MAEA: variants seen among roughly 807,000 people sequenced by gnomAD.
MAEA encodes macrophage erythroblast attacher, E3 ubiquitin ligase.
A neutral mutation model predicts 46.2 loss-of-function variants in MAEA; 22 were observed. The observed-to-expected ratio is 0.48, with a 90% CI of 0.34 to 0.68. The LOEUF (loss-of-function observed/expected upper bound fraction) is 0.68, where lower values mean the gene tolerates loss of function less well. Ranked by LOEUF, MAEA falls within the 30% of genes least tolerant of loss-of-function variation. The pLI, the probability that MAEA is intolerant of heterozygous loss-of-function variation, is 0.01. For missense variants in MAEA, 393 were observed against 558.1 expected (o/e 0.70, Z 2.98); for synonymous variants, 246 against 222.6 (o/e 1.11, Z -0.94).
chr4:1,292,746 C>T (rs569584989), intron 1 of MAEA, among the ~76,000 whole-genome samples: 21 of 152,278 alleles, frequency 1.4e-4, no homozygotes, highest in East Asian at 7.7e-4. Context: ...TCTTACCAAA[C>T]GGAGGTGTGG....
intron 2 of MAEA, chr4:1,312,401 A>G (rs1736622922): frequency 1.9e-6 from 1 of 516,828 alleles, no homozygotes; most frequent in Non-Finnish European, 3.4e-6. Flanking sequence ...CAGGGAGACC[A>G]GGATGTATAG....
intron 1 of MAEA, among the ~76,000 whole-genome samples, chr4:1,310,215 G>A (rs766153054): frequency 6.6e-6 from 1 of 152,186 alleles, no homozygotes; most frequent in Non-Finnish European, 1.5e-5. Flanking sequence ...GGCCGGTGTC[G>A]GGCTGTGGTG....
At chr4:1,332,338 C>A (rs755886593) in intron 5 of MAEA, 19 of 159,570 alleles carry the variant, frequency 1.2e-4, no homozygotes, top group Non-Finnish European at 5.5e-5. Context: ...CCATCCCAGC[C>A]CCACCCAGCA....
chr4:1,335,226 T>C (rs79196469), intron 6 of MAEA: 1 of 985,398 alleles, frequency 1.0e-6, no homozygotes, highest in African/African-American at 1.7e-5. Flanking sequence ...TCATACATGA[T>C]TTCTCTGAAG....
At chr4:1,316,395 G>A (rs1737175059) in intron 3 of MAEA, among the ~76,000 whole-genome samples, 1 of 152,166 alleles carries the variant, frequency 6.6e-6, no homozygotes, top group Admixed American at 6.5e-5. Context: ...CCCCTGTCCA[G>A]ATCCTGCTGT....
In MAEA at chr4:1,289,917, G is replaced by C. The variant is rs1303851569; in HGVS notation, c.4G>C (p.Ala2Pro). The C allele has an allele frequency of 6.3e-7, 1 of 1,598,968 alleles. No homozygotes were observed. The highest frequency in any genetic ancestry group is 2.3e-5 in the East Asian group (1 of 43,982). The change falls in exon 1 of 9, where the codon GCG (alanine) becomes CCG (proline). Residue 2 changes from alanine (A) to proline (P), a missense_variant. Ala to Pro is a conservative substitution (Grantham distance 27). Around this residue, in one of 2 missense-constraint regions of MAEA, gnomAD observed 35 missense variants for 20.1 expected, o/e 1.74. Coordinates refer to ENST00000303400, the MANE Select transcript of MAEA (RefSeq NM_001017405.3). ...CTAATGTTTTGGCCGCTTCAAGATGGCGGTGCAGGAGTCGGCGGCTCAGTT... is the reference window on the plus strand; with the variant it reads ...CTAATGTTTTGGCCGCTTCAAGATGCCGGTGCAGGAGTCGGCGGCTCAGTT... M[A>P]VQESAAQLSM... is the part of the protein sequence containing the mutation.
chr4:1,292,820 A>G (rs1734229460), intron 1 of MAEA, among the ~76,000 whole-genome samples: 1 of 151,064 alleles, frequency 6.6e-6, no homozygotes, highest in South Asian at 2.1e-4. Context: ...AATGCTGTGA[A>G]CGCCGTCCGG....
At chr4:1,320,177 G>A (rs770390711) in intron 3 of MAEA, among the ~76,000 whole-genome samples, 15 of 97,074 alleles carry the variant, frequency 1.5e-4, no homozygotes, top group Non-Finnish European at 2.1e-4. Context: ...ACACTATGAA[G>A]GGGCTTCAGA....
chr4:1,318,946 TGCTGCCCAGGGAAGGCCACACAGGAAC>T (rs1737660495), intron 3 of MAEA, among the ~76,000 whole-genome samples: 1 of 114,578 alleles, frequency 8.7e-6, no homozygotes, highest in African/African-American at 3.8e-5. Context: ...GACAGGAAGC[TGCTGCCCAGGGAAGGCCACACAGGAAC>T]AGGACAGGAA....
intron 1 of MAEA, among the ~76,000 whole-genome samples, chr4:1,297,031 G>A (rs185543509): frequency 1.5e-4 from 23 of 152,256 alleles, no homozygotes; most frequent in Admixed American, 3.9e-4. Flanking sequence ...AGGCCATCCC[G>A]TGTAGTCACC....
intron 2 of MAEA, chr4:1,312,423 A>ATTTTTTTTTT (rs34329974): frequency 1.0e-4 from 18 of 172,010 alleles, no homozygotes; most frequent in African/African-American, 7.9e-4. Flanking sequence ...AGGTTGATTG[A>ATTTTTTTTTT]TTTTTTTTTT....
At chr4:1,300,209 C>T (rs1316419) in intron 1 of MAEA, among the ~76,000 whole-genome samples, 53,650 of 152,078 alleles carry the variant, frequency 0.35, 11,353 homozygotes, top group Non-Finnish European at 0.48. Context: ...CTGACTGCCA[C>T]GGAGCTGTTT....
At position 1,289,918 on chromosome 4, in the gene MAEA, C is replaced by T. The variant is rs760244736; in HGVS notation, c.5C>T (p.Ala2Val). The T allele has an allele frequency of 5.6e-6, 9 of 1,598,532 alleles. No homozygotes were observed. The highest frequency in any genetic ancestry group is 2.3e-5 in the East Asian group (1 of 43,954). The change falls in exon 1 of 9, where the codon GCG becomes GTG. Residue 2 changes from alanine (A) to valine (V), a missense_variant. Physicochemically the swap from Ala to Val is moderately conservative, Grantham distance 64 (BLOSUM62 0). Around this residue, in one of 2 missense-constraint regions of MAEA, gnomAD observed 35 missense variants for 20.1 expected, o/e 1.74. Transcript: ENST00000303400. M[A>V]VQESAAQLSM... ...TAATGTTTTGGCCGCTTCAAGATGG[C>T]GGTGCAGGAGTCGGCGGCTCAGTTG...
chr4:1,305,746 TGCGTGCGTGCACGTGCGCAC>T (rs776356298), intron 1 of MAEA, among the ~76,000 whole-genome samples: 2 of 131,678 alleles, frequency 1.5e-5, no homozygotes, highest in East Asian at 2.0e-4. Context: ...TGTGGGAGTG[TGCGTGCGTGCACGTGCGCAC>T]GCGTGCGTGT....
At position 1,319,294 on chromosome 4, in the gene MAEA, A is replaced by G. The variant is rs372740574; in HGVS notation, c.457-3087A>G. Among the ~76,000 whole-genome samples the G allele has an allele frequency of 1.9e-4, 29 of 151,890 alleles. 2 individuals are homozygous for G. In the Middle Eastern group the frequency reaches 0.034, roughly 178 times the overall value. The stretch of plus-strand genomic sequence containing the variant: ...CTTGAGCCCAGGAGGTGGAGGCTGC[A>G]GTGAGCCAAGATTGCACCACTGCAC... On this transcript the variant is annotated intron_variant, in intron 3 of 8. Coordinates refer to ENST00000303400, the MANE Select transcript of MAEA (RefSeq NM_001017405.3).
chr4:1,296,464 C>G (rs1055874188), intron 1 of MAEA, among the ~76,000 whole-genome samples: 31 of 145,112 alleles, frequency 2.1e-4, no homozygotes, highest in African/African-American at 7.2e-4. Flanking sequence ...CTGTGCCCCC[C>G]TCACCCGTGC....
intron 1 of MAEA, among the ~76,000 whole-genome samples, chr4:1,298,729 G>T (rs113349618): frequency 3.3e-5 from 5 of 152,074 alleles, no homozygotes; most frequent in Admixed American, 1.3e-4. Context: ...CGCTGCCTTG[G>T]TGCTCTCACA....
intron 8 of MAEA, 87 bp downstream of exon 8, chr4:1,338,704 G>C (rs1713131350): frequency 7.5e-7 from 1 of 1,332,828 alleles, no homozygotes; most frequent in South Asian, 1.4e-5. Context: ...GGGGGGCCAG[G>C]CTGGCACGCA....
intron 6 of MAEA, among the ~76,000 whole-genome samples, chr4:1,333,910 C>G (rs1415396868): frequency 2.6e-5 from 1 of 38,112 alleles, no homozygotes; most frequent in Non-Finnish European, 5.3e-5. Flanking sequence ...CCATGCCCAC[C>G]TGTGCTCACC....
Sources: gnomAD v4.1 joint callset for allele counts (sites outside exome capture counted in the v4.1 genomes callset) on GRCh38, gnomAD v4.1.1 for gene constraint, gnomAD v4.1.1 regional missense constraint, MANE v1.5 for transcripts, NCBI Gene and HGNC (gene_info 2026-07-23, HGNC 2026-07-21) for gene names.